ROBO1: variants seen among roughly 807,000 people sequenced by gnomAD.
ROBO1 encodes roundabout guidance receptor 1.
A neutral mutation model predicts 195.9 loss-of-function variants in ROBO1; 149 were observed. The observed-to-expected ratio is 0.76, with a 90% CI of 0.67 to 0.87. ROBO1 has a LOEUF of 0.87. Among genes scored for constraint, ROBO1 ranks in the 40% least tolerant of loss-of-function variants. ROBO1 has a pLI of 0.00. For missense variants in ROBO1, 1,933 were observed against 2,068.3 expected, an observed-to-expected ratio of 0.93 and a Z score of 1.27; for synonymous variants, 816 against 733.2, an observed-to-expected ratio of 1.11 and a Z score of -1.82.
intron 22 of ROBO1, 29 bp downstream of exon 22, chr3:78,639,715 A>C: frequency 1.3e-6 from 2 of 1,593,230 alleles, no homozygotes; most frequent in South Asian, 2.3e-5. Context: ...AAAAGCTTAT[A>C]CATATCAGGC....
chr3:79,686,790 G>C (rs1382547206), intron 1 of ROBO1, among the ~76,000 whole-genome samples: 4 of 152,120 alleles, frequency 2.6e-5, no homozygotes, highest in Admixed American at 1.3e-4. Flanking sequence ...TAGCCATACT[G>C]CCTAAGGTAA....
intron 1 of ROBO1, among the ~76,000 whole-genome samples, chr3:79,649,972 GA>G (rs564376368): frequency 4.0e-5 from 6 of 151,112 alleles, no homozygotes; most frequent in South Asian, 2.1e-4. Context: ...GGTTTTATGT[GA>G]AAAAAAATAG....
intron 2 of ROBO1, among the ~76,000 whole-genome samples, chr3:79,365,548 G>T (rs991952361): frequency 1.4e-4 from 22 of 152,138 alleles, no homozygotes; most frequent in Admixed American, 1.4e-3. Flanking sequence ...CCCCTCCATT[G>T]AGTCTATCAA....
At chr3:79,124,019 G>T (rs551445622) in intron 3 of ROBO1, among the ~76,000 whole-genome samples, 8 of 151,972 alleles carry the variant, frequency 5.3e-5, no homozygotes. Context: ...GTTTAGACTG[G>T]GTGAGTACAA....
intron 5 of ROBO1, among the ~76,000 whole-genome samples, chr3:78,739,125 G>T (rs950825467): frequency 6.6e-6 from 1 of 152,146 alleles, no homozygotes; most frequent in Non-Finnish European, 1.5e-5. Flanking sequence ...AGCATGAAAA[G>T]ATGAGTGTCT....
intron 4 of ROBO1, among the ~76,000 whole-genome samples, chr3:78,930,410 G>C (rs1560012139): frequency 6.6e-6 from 1 of 152,316 alleles, no homozygotes; most frequent in East Asian, 1.9e-4. Flanking sequence ...CCACATCATG[G>C]TTTTGGGAAA....
intron 2 of ROBO1, among the ~76,000 whole-genome samples, chr3:79,312,273 C>T (rs2033521840): frequency 6.6e-6 from 1 of 152,188 alleles, no homozygotes; most frequent in African/African-American, 2.4e-5. Context: ...GAGGTGTTTT[C>T]TGATCGCCAC....
chr3:79,750,459 G>C (rs373369846), intron 1 of ROBO1, among the ~76,000 whole-genome samples: 12 of 152,128 alleles, frequency 7.9e-5, no homozygotes, highest in African/African-American at 2.4e-4. Flanking sequence ...ATTTGGGAGG[G>C]GCCAGGGCAG....
At chr3:79,235,346 G>A (rs576785941) in intron 2 of ROBO1, among the ~76,000 whole-genome samples, 5 of 152,136 alleles carry the variant, frequency 3.3e-5, no homozygotes, top group Admixed American at 6.5e-5. Flanking sequence ...TAGAATTAAG[G>A]CAAAGTATTT....
intron 2 of ROBO1, among the ~76,000 whole-genome samples, chr3:79,145,920 A>G (rs2080639222): frequency 6.6e-6 from 1 of 152,028 alleles, no homozygotes; most frequent in Admixed American, 6.6e-5. Flanking sequence ...ATTCTACTGT[A>G]GATGATGTGA....
chr3:79,436,554 A>T (rs2038896119), intron 2 of ROBO1, among the ~76,000 whole-genome samples: 1 of 152,076 alleles, frequency 6.6e-6, no homozygotes, highest in South Asian at 2.1e-4. Flanking sequence ...TTTTGCTTTG[A>T]TCTGTAGGTT....
At chr3:79,448,938 T>C (rs1365494863) in intron 2 of ROBO1, among the ~76,000 whole-genome samples, 1 of 152,132 alleles carries the variant, frequency 6.6e-6, no homozygotes, top group Non-Finnish European at 1.5e-5. Context: ...ACCTCCAAGA[T>C]TCAGTAACTG....
intron 10 of ROBO1, among the ~76,000 whole-genome samples, chr3:78,681,785 C>G (rs2080917727): frequency 6.6e-6 from 1 of 152,078 alleles, no homozygotes. Flanking sequence ...GCCTGCAGTC[C>G]CAGCTACTCG....
intron 2 of ROBO1, among the ~76,000 whole-genome samples, chr3:79,227,395 T>C (rs113493069): frequency 2.0e-4 from 30 of 152,314 alleles, no homozygotes; most frequent in African/African-American, 7.2e-4. Flanking sequence ...ATTCCCTGAA[T>C]TGTTTTTCTA....
chr3:78,964,900 T>A (rs1340066465), intron 3 of ROBO1, among the ~76,000 whole-genome samples: 6 of 151,120 alleles, frequency 4.0e-5, no homozygotes, highest in African/African-American at 1.2e-4. Flanking sequence ...CCCAGGCTGG[T>A]CTCAAACCCC....
chr3:79,097,205 A>T (rs2079586732), intron 3 of ROBO1, among the ~76,000 whole-genome samples: 1 of 151,844 alleles, frequency 6.6e-6, no homozygotes, highest in South Asian at 2.1e-4. Context: ...AACATATTTC[A>T]TACGAATTTC....
intron 8 of ROBO1, chr3:78,692,779 G>T (rs935705352): frequency 6.6e-6 from 1 of 151,984 alleles, no homozygotes; most frequent in Non-Finnish European, 1.5e-5. Flanking sequence ...ATCAAAGTAC[G>T]CTTTGATAAA....
At chr3:78,722,832 C>A (rs1169612613) in intron 5 of ROBO1, among the ~76,000 whole-genome samples, 2 of 152,040 alleles carry the variant, frequency 1.3e-5, no homozygotes, top group Non-Finnish European at 2.9e-5. Context: ...TGTATCTCTG[C>A]TTTTCAACTC....
At chr3:78,600,470 T>C (rs529040220) in intron 29 of ROBO1, among the ~76,000 whole-genome samples, 161 bp from the exon 30 acceptor site, 1 of 152,196 alleles carries the variant, frequency 6.6e-6, no homozygotes, top group Non-Finnish European at 1.5e-5. Context: ...TAGCATAGTG[T>C]GTTGAAAATG....
Sources: allele counts gnomAD v4.1 joint callset (sites outside exome capture counted in the v4.1 genomes callset), GRCh38; gene constraint gnomAD v4.1.1; transcripts MANE v1.5; gene names NCBI Gene and HGNC (gene_info 2026-07-23, HGNC 2026-07-21).